ZPBP: variants seen among roughly 807,000 people sequenced by gnomAD.
ZPBP encodes the protein zona pellucida-binding protein 1.
ZPBP carries 26 observed loss-of-function variants against 44.8 expected under a neutral mutation model. That is an observed-to-expected ratio of 0.58 (90% CI 0.43 to 0.81). ZPBP has a LOEUF of 0.81. ZPBP is among the 30% of genes least tolerant of loss of function. ZPBP has a pLI of 0.00. For synonymous variants in ZPBP, 174 were observed against 153.2 expected, an observed-to-expected ratio of 1.14 and a Z score of -1.00; for missense variants, 409 against 434.0, an observed-to-expected ratio of 0.94 and a Z score of 0.51.
chr7:49,890,395 T>C (rs1289777341), intron 2 of ZPBP, among the ~76,000 whole-genome samples: 1 of 152,230 alleles, frequency 6.6e-6, no homozygotes, highest in Non-Finnish European at 1.5e-5. Context: ...ACAGTCAGTA[T>C]GGAAAGGAAT....
intron 6 of ZPBP, among the ~76,000 whole-genome samples, chr7:49,987,727 GTTGTGTGT>G (rs1342829523): frequency 7.7e-4 from 72 of 93,458 alleles, no homozygotes; most frequent in Admixed American, 6.9e-4. Context: ...TTATATATGT[GTTGTGTGT>G]GTGTGTGTGT....
chr7:49,896,638 A>G (rs1792396109), intron 2 of ZPBP, among the ~76,000 whole-genome samples: 1 of 152,140 alleles, frequency 6.6e-6, no homozygotes, highest in Non-Finnish European at 1.5e-5. Context: ...AATTAAACAC[A>G]TAGCAAGACA....
At chr7:49,904,885 G>C (rs1793002257) in intron 1 of ZPBP, among the ~76,000 whole-genome samples, 1 of 151,874 alleles carries the variant, frequency 6.6e-6, no homozygotes, top group Non-Finnish European at 1.5e-5. Context: ...ATAGGCACCT[G>C]CCACTGCACC....
intron 7 of ZPBP, among the ~76,000 whole-genome samples, chr7:49,954,978 AAT>A (rs1795513799): frequency 6.6e-6 from 1 of 152,352 alleles, no homozygotes; most frequent in African/African-American, 2.4e-5. Flanking sequence ...ATTGATATAG[AAT>A]ATGTTTTCTG....
rs563652217 is a variant in ZPBP, at chr7:50,035,429, C to G, written c.488-4119G>C. On this transcript the variant is annotated intron_variant, in intron 4 of 7. Transcript: ENST00000046087. Reference sequence around the variant, plus strand: ...CCCACCATAAGTGCAAATATCAACACAGTAGAAATAGCAAATAATGTCTTA... The same window carrying G: ...CCCACCATAAGTGCAAATATCAACAGAGTAGAAATAGCAAATAATGTCTTA... 2.6e-5 allele frequency among the ~76,000 whole-genome samples: 4 copies of G among 152,312 alleles called. No individual in the cohort carries two copies. The South Asian group carries it at 8.3e-4, about 32-fold the overall frequency.
intron 6 of ZPBP, among the ~76,000 whole-genome samples, chr7:49,988,526 C>T (rs2128786183): frequency 6.6e-6 from 1 of 152,214 alleles, no homozygotes; most frequent in Non-Finnish European, 1.5e-5. Flanking sequence ...TGAGTATATG[C>T]TATCAATCAC....
intron 4 of ZPBP, among the ~76,000 whole-genome samples, chr7:50,033,678 G>GTTTA (rs56856262): frequency 0.021 from 3,087 of 148,800 alleles, 50 homozygotes; most frequent in Middle Eastern, 0.072. Flanking sequence ...TCTTTCTACA[G>GTTTA]TTTATTTATT....
intron 7 of ZPBP, among the ~76,000 whole-genome samples, chr7:49,981,610 A>AATTAT (rs1380267984): frequency 9.5e-4 from 5 of 5,242 alleles, no homozygotes; most frequent in African/African-American, 2.1e-3. Context: ...TAAATTATAT[A>AATTAT]ATTATATTAT....
chr7:49,957,696 CT>C (rs1410815615), intron 7 of ZPBP, among the ~76,000 whole-genome samples: 1 of 152,180 alleles, frequency 6.6e-6, no homozygotes, highest in African/African-American at 2.4e-5. Flanking sequence ...CAGGCAGAGA[CT>C]TACCATAGGG....
At chr7:49,875,395 A>AAAAAAAAC (rs1562746141) in intron 2 of ZPBP, among the ~76,000 whole-genome samples, 1 of 149,594 alleles carries the variant, frequency 6.7e-6, no homozygotes, top group African/African-American at 2.5e-5. Context: ...AAAAAAAAAA[A>AAAAAAAAC]AACAGGAATA....
At chr7:50,068,093 C>G (rs963182969) in intron 3 of ZPBP, among the ~76,000 whole-genome samples, 7 of 152,070 alleles carry the variant, frequency 4.6e-5, no homozygotes, top group African/African-American at 1.7e-4. Flanking sequence ...AAAGCCTTCT[C>G]CTGGTTGGCC....
chr7:49,845,953 C>A (rs1453599930), downstream of ZPBP, among the ~76,000 whole-genome samples: 1 of 152,212 alleles, frequency 6.6e-6, no homozygotes, highest in African/African-American at 2.4e-5. Flanking sequence ...ACACCTGCCC[C>A]TGTGGATATT....
At chr7:49,862,653 G>GT (rs200190931) in intron 2 of ZPBP, among the ~76,000 whole-genome samples, 4,174 of 141,214 alleles carry the variant, frequency 0.03, 160 homozygotes, top group South Asian at 0.13. Context: ...ACTTTGATGT[G>GT]TTTTTTTTTT....
chr7:50,072,133 G>C (rs1263824970), intron 3 of ZPBP, among the ~76,000 whole-genome samples: 2 of 152,236 alleles, frequency 1.3e-5, no homozygotes, highest in African/African-American at 4.8e-5. Context: ...CCTGGGGCCA[G>C]ACAACAGTCC....
intron 2 of ZPBP, among the ~76,000 whole-genome samples, chr7:49,858,783 T>C (rs1026908019): frequency 1.1e-4 from 16 of 152,228 alleles, no homozygotes; most frequent in African/African-American, 3.4e-4. Flanking sequence ...TTGTTACTTA[T>C]GTAGATAGTA....
intron 7 of ZPBP, among the ~76,000 whole-genome samples, chr7:49,982,275 ATT>A (rs1491199682): frequency 9.6e-6 from 1 of 104,466 alleles, no homozygotes; most frequent in Non-Finnish European, 1.8e-5. Context: ...ATTATATATA[ATT>A]TATAATTATA....
chr7:49,866,655 C>G (rs562077820), intron 2 of ZPBP, among the ~76,000 whole-genome samples: 1 of 152,322 alleles, frequency 6.6e-6, no homozygotes, highest in South Asian at 2.1e-4. Flanking sequence ...GTTTTGACAT[C>G]TATCACAGGT....
At chr7:49,857,830 A>G (rs548865246) in intron 2 of ZPBP, among the ~76,000 whole-genome samples, 4 of 152,234 alleles carry the variant, frequency 2.6e-5, no homozygotes, top group African/African-American at 2.4e-5. Context: ...CAGAGCTTCA[A>G]TTTCTTTACC....
intron 6 of ZPBP, among the ~76,000 whole-genome samples, chr7:49,997,124 G>A (rs926870403): frequency 6.6e-6 from 1 of 152,188 alleles, no homozygotes; most frequent in African/African-American, 2.4e-5. Flanking sequence ...CCCTACCAAT[G>A]TGAGTGAGTA....
Sources: allele counts gnomAD v4.1 joint callset (sites outside exome capture counted in the v4.1 genomes callset), GRCh38; gene constraint gnomAD v4.1.1; transcripts MANE v1.5; gene names NCBI Gene and HGNC (gene_info 2026-07-23, HGNC 2026-07-21).